Variants in RAP2B observed in about 807,000 individuals in gnomAD.
The protein encoded by RAP2B is ras-related protein Rap-2b.
RAP2B carries 6 observed loss-of-function variants against 14.4 expected under a neutral mutation model. The observed-to-expected ratio is 0.42, with a 90% confidence interval of 0.23 to 0.82. RAP2B has a LOEUF of 0.82. Among genes scored for constraint, RAP2B ranks in the 40% least tolerant of loss-of-function variants. RAP2B has a pLI of 0.30. For missense variants in RAP2B, 137 were observed against 248.2 expected (o/e 0.55, Z 3.01); for synonymous variants, 118 against 113.2 (o/e 1.04, Z -0.27).
In RAP2B at chr3:153,163,637, T is replaced by G. The variant is rs1576681203; in HGVS notation, c.*392T>G. The G allele has an allele frequency of 6.6e-6, 1 of 150,788 alleles. No homozygotes were observed. Among genetic ancestry groups the G allele is most frequent in the Non-Finnish European group, 1.4e-5 (1 of 70,670 alleles). 9.3% of individuals were successfully genotyped at this position (150,788 alleles called of 1,614,324 possible). On this transcript the variant is annotated 3_prime_UTR_variant, in exon 1 of 1. Transcript: ENST00000323534. ...AGGAGGGAGAGAAGGTGGAAATGGT[T>G]TTTTTTTTTTTTTTTCTATTTTCTT... is the stretch of plus-strand genomic sequence containing the variant.
rs1000409886 is a variant in RAP2B at position 153,170,397 on chromosome 3, A to G, written c.*7152A>G. On this transcript the variant is annotated 3_prime_UTR_variant, in exon 1 of 1. Coordinates refer to ENST00000323534, the MANE Select transcript of RAP2B (RefSeq NM_002886.4). ...GCTGTACTGCGAGCGCTAATACTTA[A>G]AAGAGGAAGTCAGGTGAAGGCGCAA... 6.6e-6 allele frequency: 1 copy of G among 152,212 alleles called. No individual in the cohort carries two copies. The highest frequency in any genetic ancestry group is 1.5e-5 in the Non-Finnish European group (1 of 68,046). 9.4% of individuals were successfully genotyped at this position (152,212 alleles called of 1,614,324 possible).
rs1347914080 is a variant in RAP2B, at chr3:153,169,969, T to G, written c.*6724T>G. On this transcript the variant is annotated 3_prime_UTR_variant, in exon 1 of 1. Transcript: ENST00000323534. ...CAGAAATGACTAAGTGGTATAGACATGCAGGAAAAGCAAAATGGGCCTTAT... is the reference window on the plus strand; with the variant it reads ...CAGAAATGACTAAGTGGTATAGACAGGCAGGAAAAGCAAAATGGGCCTTAT... The G allele has an allele frequency of 6.6e-6, 1 of 151,708 alleles. No homozygotes were observed. The highest frequency in any genetic ancestry group is 1.5e-5 in the Non-Finnish European group (1 of 68,038). The allele number at this position is 151,708 out of a possible 1,614,324, so 9.4% of individuals were successfully genotyped here. A position where few individuals can be genotyped will look rare whatever the true frequency, so the allele number is the denominator to read the frequency against.
At position 153,163,398 on chromosome 3, in the gene RAP2B, C is replaced by T. The variant is rs1713469675; in HGVS notation, c.*153C>T. The T allele has an allele frequency of 2.8e-6, 3 of 1,055,040 alleles. No homozygotes were observed. The highest frequency in any genetic ancestry group is 4.1e-6 in the Non-Finnish European group (3 of 740,302). 65.4% of individuals were successfully genotyped at this position (1,055,040 alleles called of 1,614,324 possible). A position where few individuals can be genotyped will look rare whatever the true frequency, so the allele number is the denominator to read the frequency against. On this transcript the variant is annotated 3_prime_UTR_variant, in exon 1 of 1. Transcript: ENST00000323534. ...GGCTGGCCTCCGCGGCCGGCGTCCC[C>T]TGCCTCCACCCTGTGCCCGAGGGGG...
chr3:153,169,167 T>G lies in RAP2B; in HGVS notation c.*5922T>G, dbSNP rs530767983. 1 of 152,332 alleles carries G rather than the reference T, an allele frequency of 6.6e-6. No homozygotes were observed. Among genetic ancestry groups the G allele is most frequent in the South Asian group, 2.1e-4 (1 of 4,830 alleles). 9.4% of individuals were successfully genotyped at this position (152,332 alleles called of 1,614,324 possible). On this transcript the variant is annotated 3_prime_UTR_variant, in exon 1 of 1. Transcript: ENST00000323534. ...AAAAAACAATGAGATGATAATTTTT[T>G]TTTTCTTTGAGACGGAGTCTTGCTC...
chr3:153,163,378 G>C lies in RAP2B; in HGVS notation c.*133G>C. The stretch of plus-strand genomic sequence containing the variant: ...CCAGGGTGTCTTGGGAGCCCGGCTG[G>C]CCTCCGCGGCCGGCGTCCCCTGCCT... On this transcript the variant is annotated 3_prime_UTR_variant, in exon 1 of 1. Transcript: ENST00000323534. 7.7e-7 allele frequency: 1 copy of C among 1,298,146 alleles called. No individual in the cohort carries two copies. Among genetic ancestry groups the C allele is most frequent in the East Asian group, 2.6e-5 (1 of 38,986 alleles). 80.4% of individuals were successfully genotyped at this position (1,298,146 alleles called of 1,614,324 possible). A position where few individuals can be genotyped will look rare whatever the true frequency, so the allele number is the denominator to read the frequency against.
chr3:153,166,781 A>T lies in RAP2B; in HGVS notation c.*3536A>T, dbSNP rs548111544. ...GGATAGAATTCTTTAAATGTATGGG[A>T]CTTCATGCTTCCTGATTATGTAATA... On this transcript the variant is annotated 3_prime_UTR_variant, in exon 1 of 1. Coordinates refer to ENST00000323534, the MANE Select transcript of RAP2B (RefSeq NM_002886.4). 6.0e-6 allele frequency: 1 copy of T among 166,638 alleles called. No individual in the cohort carries two copies. The highest frequency in any genetic ancestry group is 2.1e-4 in the South Asian group (1 of 4,824). The allele number at this position is 166,638 out of a possible 1,614,324, so 10.3% of individuals were successfully genotyped here.
Position 153,163,240 on chromosome 3 carries a change from C to G in RAP2B, c.547C>G (p.Leu183Val). ...GGGCTGCTGCTCGGCCTGCGTGATC[C>G]TCTGAGGCGGCCACCGCGCGCCGGC... is the stretch of plus-strand genomic sequence containing the variant. ...DEGCCSACVI[L>V] is the part of the protein sequence containing the mutation. Residue 183 changes from leucine (L) to valine (V), a missense_variant, in exon 1 of 1, where the codon CTC becomes GTC. Leu to Val is a conservative substitution (Grantham distance 32, BLOSUM62 1). Around this residue, in one of 2 missense-constraint regions of RAP2B, gnomAD observed 106 missense variants for 143.5 expected, o/e 0.74. Transcript: ENST00000323534. 1.3e-6 allele frequency: 2 copies of G among 1,543,012 alleles called. No homozygotes were observed. Among genetic ancestry groups the G allele is most frequent in the Non-Finnish European group, 8.7e-7 (1 of 1,148,268 alleles).
chr3:153,162,937 T>C lies in RAP2B; in HGVS notation c.244T>C (p.Tyr82His). ...IKNGQGFILV[Y>H]SLVNQQSFQD... ...GAACGGCCAGGGCTTCATCCTGGTCTACAGCCTCGTCAACCAGCAGAGCTT... is the reference window on the plus strand; with the variant it reads ...GAACGGCCAGGGCTTCATCCTGGTCCACAGCCTCGTCAACCAGCAGAGCTT... Residue 82 changes from tyrosine (Y) to histidine (H), a missense_variant, in exon 1 of 1, where the codon TAC becomes CAC. Tyr to His is a moderately conservative substitution (Grantham distance 83). This residue lies in a region of RAP2B where 106 missense variants were observed against 143.5 expected (regional missense o/e 0.74). Coordinates refer to ENST00000323534, the MANE Select transcript of RAP2B (RefSeq NM_002886.4). The surrounding 1 kb of genome is among the most constrained non-coding windows in gnomAD (Gnocchi z 4.9). The C allele has an allele frequency of 1.2e-6, 2 of 1,614,114 alleles. No homozygotes were observed. The highest frequency in any genetic ancestry group is 1.7e-6 in the Non-Finnish European group (2 of 1,180,022).
rs1415937455 is a variant in RAP2B at position 153,167,114 on chromosome 3, A to C, written c.*3869A>C. On this transcript the variant is annotated 3_prime_UTR_variant, in exon 1 of 1. Coordinates refer to ENST00000323534, the MANE Select transcript of RAP2B (RefSeq NM_002886.4). Reference sequence around the variant, plus strand: ...ATTTGTCACAGTGTCTTATTTGGGGAAAGTTTGCTAATATACATTTTGTCT... The same window carrying C: ...ATTTGTCACAGTGTCTTATTTGGGGCAAGTTTGCTAATATACATTTTGTCT... The C allele has an allele frequency of 1.2e-5, 2 of 167,044 alleles. No homozygotes were observed. The highest frequency in any genetic ancestry group is 4.8e-5 in the African/African-American group (2 of 41,446). The allele number at this position is 167,044 out of a possible 1,614,324, so 10.3% of individuals were successfully genotyped here.
rs1271710830 is a variant in RAP2B, at chr3:153,164,904, A to G, written c.*1659A>G. The G allele has an allele frequency of 1.2e-5, 2 of 167,110 alleles. No homozygotes were observed. The highest frequency in any genetic ancestry group is 2.9e-5 in the Non-Finnish European group (2 of 68,118). 10.4% of individuals were successfully genotyped at this position (167,110 alleles called of 1,614,324 possible). A position where few individuals can be genotyped will look rare whatever the true frequency, so the allele number is the denominator to read the frequency against. Reference sequence around the variant, plus strand: ...ACTCCCAACTTTTTAAATTTGGAGAAAACCATCAAGGTCGAGGAAGCCCTG... The same window carrying G: ...ACTCCCAACTTTTTAAATTTGGAGAGAACCATCAAGGTCGAGGAAGCCCTG... On this transcript the variant is annotated 3_prime_UTR_variant, in exon 1 of 1. Coordinates refer to ENST00000323534, the MANE Select transcript of RAP2B (RefSeq NM_002886.4).
chr3:153,162,504 C>A lies in RAP2B; in HGVS notation c.-190C>A, dbSNP rs142864284. ...CCGCACCCCAGGGATACGCTGCCGC[C>A]GCCGCCGGCCGGCCCGGCGCCCGGC... On this transcript the variant is annotated 5_prime_UTR_variant, in exon 1 of 1. Transcript: ENST00000323534. The surrounding 1 kb of genome is among the most constrained non-coding windows in gnomAD (Gnocchi z 4.9). The A allele has an allele frequency of 2.7e-3, 1,675 of 611,366 alleles. 20 individuals are homozygous for A. In the African/African-American group the frequency reaches 0.029, roughly 11 times the overall value. 37.9% of individuals were successfully genotyped at this position (611,366 alleles called of 1,614,324 possible). A position where few individuals can be genotyped will look rare whatever the true frequency, so the allele number is the denominator to read the frequency against.
chr3:153,165,257 G>C lies in RAP2B; in HGVS notation c.*2012G>C, dbSNP rs1713542422. ...CTCAACCCTTTTGAGGTTTTGATTT[G>C]GAAATAGATTTAAAAGAAAACAGGC... On this transcript the variant is annotated 3_prime_UTR_variant, in exon 1 of 1. Transcript: ENST00000323534. 6.0e-6 allele frequency: 1 copy of C among 166,934 alleles called. No homozygotes were observed. The highest frequency in any genetic ancestry group is 1.5e-5 in the Non-Finnish European group (1 of 68,106). 10.3% of individuals were successfully genotyped at this position (166,934 alleles called of 1,614,324 possible).
rs1011954414 is a variant in RAP2B at position 153,170,201 on chromosome 3, A to T, written c.*6956A>T. On this transcript the variant is annotated 3_prime_UTR_variant, in exon 1 of 1. Coordinates refer to ENST00000323534, the MANE Select transcript of RAP2B (RefSeq NM_002886.4). ...AATTGCAAAGGTAGCAAAATTTTTT[A>T]AAAAATGGAAAAGAGAAAGATTATT... is the stretch of plus-strand genomic sequence containing the variant. 2.6e-5 allele frequency: 4 copies of T among 152,202 alleles called. No homozygotes were observed. Among genetic ancestry groups the T allele is most frequent in the South Asian group, 4.1e-4 (2 of 4,832 alleles). The allele number at this position is 152,202 out of a possible 1,614,324, so 9.4% of individuals were successfully genotyped here. A position where few individuals can be genotyped will look rare whatever the true frequency, so the allele number is the denominator to read the frequency against.
Position 153,168,624 on chromosome 3 carries a change from T to C in RAP2B, c.*5379T>C, listed in dbSNP as rs1713643673. The stretch of plus-strand genomic sequence containing the variant: ...TATTCTATTAGAAGGTGAAAAGTGT[T>C]GATTGAAGAATGGTAGGATTTTATC... On this transcript the variant is annotated 3_prime_UTR_variant, in exon 1 of 1. Coordinates refer to ENST00000323534, the MANE Select transcript of RAP2B (RefSeq NM_002886.4). The C allele has an allele frequency of 6.6e-6, 1 of 152,334 alleles. No individual in the cohort carries two copies. The highest frequency in any genetic ancestry group is 2.4e-5 in the African/African-American group (1 of 41,438). The allele number at this position is 152,334 out of a possible 1,614,324, so 9.4% of individuals were successfully genotyped here.
chr3:153,163,863 G>C lies in RAP2B; in HGVS notation c.*618G>C, dbSNP rs1192882488. 6.0e-6 allele frequency: 1 copy of C among 166,802 alleles called. No individual in the cohort carries two copies. Among genetic ancestry groups the C allele is most frequent in the Admixed American group, 6.6e-5 (1 of 15,240 alleles). 10.3% of individuals were successfully genotyped at this position (166,802 alleles called of 1,614,324 possible). On this transcript the variant is annotated 3_prime_UTR_variant, in exon 1 of 1. Coordinates refer to ENST00000323534, the MANE Select transcript of RAP2B (RefSeq NM_002886.4). ...TGGAAGGGCAACCCCATGACTGATTGCGATTCTGAGGATGTCTATGCAAAG... is the reference window on the plus strand; with the variant it reads ...TGGAAGGGCAACCCCATGACTGATTCCGATTCTGAGGATGTCTATGCAAAG...
In RAP2B at chr3:153,166,616, T is replaced by C. The variant is rs1713585719; in HGVS notation, c.*3371T>C. 1 of 167,092 alleles carries C rather than the reference T, an allele frequency of 6.0e-6. No homozygotes were observed. Among genetic ancestry groups the C allele is most frequent in the Non-Finnish European group, 1.5e-5 (1 of 68,100 alleles). 10.4% of individuals were successfully genotyped at this position (167,092 alleles called of 1,614,324 possible). On this transcript the variant is annotated 3_prime_UTR_variant, in exon 1 of 1. Coordinates refer to ENST00000323534, the MANE Select transcript of RAP2B (RefSeq NM_002886.4). ...GGTTATTTTTGTCCTCCTTTTTTAA[T>C]AGCTTCAGGAAAGTTAAAGGTATCA...
chr3:153,163,799 G>A lies in RAP2B; in HGVS notation c.*554G>A, dbSNP rs1265137747. The A allele has an allele frequency of 6.0e-6, 1 of 166,188 alleles. No individual in the cohort carries two copies. The highest frequency in any genetic ancestry group is 1.5e-5 in the Non-Finnish European group (1 of 68,126). The allele number at this position is 166,188 out of a possible 1,614,324, so 10.3% of individuals were successfully genotyped here. A position where few individuals can be genotyped will look rare whatever the true frequency, so the allele number is the denominator to read the frequency against. ...AACTTTTTTTCCTTCTTTTCCAGGA[G>A]TAGCTGGAAATTAAGATCGGGTTCC... On this transcript the variant is annotated 3_prime_UTR_variant, in exon 1 of 1. Transcript: ENST00000323534.
At position 153,162,483 on chromosome 3, in the gene RAP2B, A is replaced by T; in HGVS notation, c.-211A>T. The stretch of plus-strand genomic sequence containing the variant: ...GGACTGCTGCGGGGCCCGGACCCGC[A>T]CCCCAGGGATACGCTGCCGCCGCCG... On this transcript the variant is annotated 5_prime_UTR_variant, in exon 1 of 1. Coordinates refer to ENST00000323534, the MANE Select transcript of RAP2B (RefSeq NM_002886.4). This position sits in a 1 kb window ranked among gnomAD's most constrained non-coding sequence, Gnocchi z 4.9. 2.3e-6 allele frequency: 1 copy of T among 426,818 alleles called. No homozygotes were observed. Among genetic ancestry groups the T allele is most frequent in the Non-Finnish European group, 4.0e-6 (1 of 252,440 alleles). 26.4% of individuals were successfully genotyped at this position (426,818 alleles called of 1,614,324 possible).
At position 153,167,104 on chromosome 3, in the gene RAP2B, T is replaced by C. The variant is rs1172739801; in HGVS notation, c.*3859T>C. On this transcript the variant is annotated 3_prime_UTR_variant, in exon 1 of 1. Transcript: ENST00000323534. The stretch of plus-strand genomic sequence containing the variant: ...GATACCAGACATTTGTCACAGTGTC[T>C]TATTTGGGGAAAGTTTGCTAATATA... 1.2e-5 allele frequency: 2 copies of C among 167,082 alleles called. No homozygotes were observed. The highest frequency in any genetic ancestry group is 1.3e-4 in the Admixed American group (2 of 15,286). The allele number at this position is 167,082 out of a possible 1,614,324, so 10.3% of individuals were successfully genotyped here.
Sources: allele counts gnomAD v4.1 joint callset, GRCh38; gene constraint gnomAD v4.1.1; regional missense constraint gnomAD v4.1.1; non-coding constraint Gnocchi (gnomAD v3.1); transcripts MANE v1.5; gene names NCBI Gene and HGNC (gene_info 2026-07-23, HGNC 2026-07-21).